The following ADGRA3 variants were observed in gnomAD, a reference collection of about 807,000 sequenced individuals.
ADGRA3 encodes the protein G-protein coupled receptor 125.
ADGRA3 carries 56 observed loss-of-function variants against 119.8 expected under a neutral mutation model. The observed-to-expected ratio is 0.47, with a 90% CI of 0.38 to 0.58. ADGRA3 has a LOEUF of 0.58. Among genes scored for constraint, ADGRA3 ranks in the 20% least tolerant of loss-of-function variants. The probability of loss-of-function intolerance (pLI) is 0.00; values close to 1 mark genes in which losing one functional copy is unlikely to be tolerated. For synonymous variants in ADGRA3, 607 were observed against 623.8 expected (o/e 0.97, Z 0.40); for missense variants, 1,516 against 1,649.0 (o/e 0.92, Z 1.40).
At chr4:22,493,663 C>T (rs1718707453) in intron 1 of ADGRA3, among the ~76,000 whole-genome samples, 1 of 152,136 alleles carries the variant, frequency 6.6e-6, no homozygotes, top group Admixed American at 6.6e-5. Flanking sequence ...TTTAACAAGC[C>T]TTCCCGGAGG....
intron 2 of ADGRA3, among the ~76,000 whole-genome samples, chr4:22,462,659 G>A (rs1383907961): frequency 6.6e-6 from 1 of 152,150 alleles, no homozygotes; most frequent in African/African-American, 2.4e-5. Flanking sequence ...ATAAATGTGT[G>A]ATAAAACACA....
At chr4:22,501,819 T>A (rs952244172) in intron 1 of ADGRA3, among the ~76,000 whole-genome samples, 3 of 151,616 alleles carry the variant, frequency 2.0e-5, no homozygotes, top group Admixed American at 6.6e-5. Flanking sequence ...TATAAAACTT[T>A]AAAAAAAAAG....
intron 1 of ADGRA3, among the ~76,000 whole-genome samples, chr4:22,502,192 G>C (rs551076566): frequency 6.6e-6 from 1 of 152,346 alleles, no homozygotes; most frequent in South Asian, 2.1e-4. Context: ...ACGTAAGGGT[G>C]AAAGAATGGT....
intron 1 of ADGRA3, among the ~76,000 whole-genome samples, chr4:22,514,128 T>G (rs958438879): frequency 6.6e-6 from 1 of 152,104 alleles, no homozygotes. Context: ...ACCTAAATGT[T>G]TATAACATAA....
intron 17 of ADGRA3, among the ~76,000 whole-genome samples, chr4:22,390,378 AT>A (rs1714078436): frequency 1.0e-4 from 3 of 29,420 alleles, no homozygotes; most frequent in East Asian, 1.9e-3. Context: ...TTATATATAT[AT>A]AATACGTATT....
intron 10 of ADGRA3, among the ~76,000 whole-genome samples, chr4:22,425,500 G>T (rs980140766): frequency 4.6e-5 from 7 of 152,186 alleles, no homozygotes. Context: ...GTGTCAAGAG[G>T]ATTTTGTATT....
At chr4:22,503,488 T>C (rs1719120419) in intron 1 of ADGRA3, among the ~76,000 whole-genome samples, 1 of 152,208 alleles carries the variant, frequency 6.6e-6, no homozygotes, top group Non-Finnish European at 1.5e-5. Context: ...AGAACCTGCA[T>C]TACAGTTATA....
intron 17 of ADGRA3, among the ~76,000 whole-genome samples, chr4:22,391,294 A>C (rs1171999811): frequency 1.3e-5 from 2 of 151,192 alleles, no homozygotes; most frequent in Non-Finnish European, 3.0e-5. Flanking sequence ...CTGCCACCCC[A>C]TTTCCCCTCT....
intron 5 of ADGRA3, among the ~76,000 whole-genome samples, chr4:22,445,461 A>G (rs892748994): frequency 2.0e-5 from 3 of 152,126 alleles, no homozygotes; most frequent in Admixed American, 6.5e-5. Context: ...CTTTTTGTCT[A>G]TCGAACTTCT....
Position 22,443,224 on chromosome 4 carries a change from T to C in ADGRA3, c.707-361A>G, listed in dbSNP as rs1716693145. On this transcript the variant is annotated intron_variant, in intron 6 of 18. Coordinates refer to ENST00000334304, the MANE Select transcript of ADGRA3 (RefSeq NM_145290.4). ...CAACTTTAAAATACACTTTGGAGAC[T>C]GCAATACCTTTGATTACAACACGAG... The C allele has an allele frequency of 3.3e-5, 18 of 542,970 alleles. No individual in the cohort carries two copies. The South Asian group carries it at 4.6e-4, about 14-fold the overall frequency. The allele number at this position is 542,970 out of a possible 1,614,324, so 33.6% of individuals were successfully genotyped here.
At position 22,413,821 on chromosome 4, in the gene ADGRA3, A is replaced by C. The variant is rs1715322456; in HGVS notation, c.1810-7T>G. On this transcript the variant is annotated splice_polypyrimidine_tract_variant and splice_region_variant and intron_variant, in intron 12 of 18. Transcript: ENST00000334304. ...AAGCCTCCACAATAGTATTCTGAAA[A>C]AATATATATACATAAAAAAAGCTCA... is the stretch of plus-strand genomic sequence containing the variant. 6.3e-7 allele frequency: 1 copy of C among 1,576,742 alleles called. No homozygotes were observed.
At chr4:22,453,334 G>A (rs1465571701) in intron 4 of ADGRA3, among the ~76,000 whole-genome samples, 1 of 152,122 alleles carries the variant, frequency 6.6e-6, no homozygotes, top group African/African-American at 2.4e-5. Context: ...ACTAACTTAA[G>A]TCATGAGTAA....
At chr4:22,469,247 A>G (rs181517773) in intron 2 of ADGRA3, among the ~76,000 whole-genome samples, 3 of 152,246 alleles carry the variant, frequency 2.0e-5, no homozygotes, top group East Asian at 3.9e-4. Flanking sequence ...GTTTTGCTCC[A>G]TGGCACTTAC....
intron 10 of ADGRA3, among the ~76,000 whole-genome samples, chr4:22,425,768 G>T (rs1481607019): frequency 6.6e-6 from 1 of 152,192 alleles, no homozygotes; most frequent in African/African-American, 2.4e-5. Flanking sequence ...TATGGGGGCT[G>T]AAGAGGGTTT....
chr4:22,415,649 G>A (rs888298744), intron 12 of ADGRA3, among the ~76,000 whole-genome samples: 5 of 152,094 alleles, frequency 3.3e-5, no homozygotes, highest in Admixed American at 3.3e-4. Flanking sequence ...AAATAATATC[G>A]TTATACACAC....
chr4:22,493,281 C>T lies in ADGRA3; in HGVS notation c.258-19438G>A, dbSNP rs61793374. ...GTGCCCAGCCTCCACCTTTCCATTT[C>T]GGTATCTTTTTAATCTCATCTAACA... On this transcript the variant is annotated intron_variant, in intron 1 of 18. Transcript: ENST00000334304. Among the ~76,000 whole-genome samples, 760 of 152,174 alleles carry T rather than the reference C, an allele frequency of 5.0e-3. 4 individuals are homozygous for T. The highest frequency in any genetic ancestry group is 0.037 in the East Asian group (191 of 5,160).
intron 16 of ADGRA3, among the ~76,000 whole-genome samples, chr4:22,397,774 A>C (rs1306581896): frequency 6.6e-6 from 1 of 152,114 alleles, no homozygotes; most frequent in African/African-American, 2.4e-5. Context: ...TGCTGCCACG[A>C]AAGACATGAC....
In ADGRA3 at chr4:22,511,895, C is replaced by CTTTTTT. The variant is rs5856700; in HGVS notation, c.257+3627_257+3632dup. 5.9e-3 allele frequency among the ~76,000 whole-genome samples: 603 copies of CTTTTTT among 102,594 alleles called. 11 individuals carry two copies. Among genetic ancestry groups the CTTTTTT allele is most frequent in the Non-Finnish European group, 6.7e-3 (379 of 56,342 alleles). The allele number at this position is 102,594 out of a possible 152,430, so 67.3% of individuals were successfully genotyped here. ...TTCACAGTTATATTTTTCTTTCTTT[C>CTTTTTT]TTTTTTTTTTTTTTTTTTTGAGACA... is the stretch of plus-strand genomic sequence containing the variant. On this transcript the variant is annotated intron_variant, in intron 1 of 18. Coordinates refer to ENST00000334304, the MANE Select transcript of ADGRA3 (RefSeq NM_145290.4).
chr4:22,454,770 T>C (rs1717182082), intron 4 of ADGRA3, 96 bp downstream of exon 4: 2 of 884,514 alleles, frequency 2.3e-6, no homozygotes. Context: ...ACCCCTACAG[T>C]TGCTACTTAT....
Sources: gnomAD v4.1 joint callset for allele counts (sites outside exome capture counted in the v4.1 genomes callset) on GRCh38, gnomAD v4.1.1 for gene constraint, MANE v1.5 for transcripts, NCBI Gene and HGNC (gene_info 2026-07-23, HGNC 2026-07-21) for gene names.